CD4: variants seen among roughly 807,000 people sequenced by gnomAD.
The protein encoded by CD4 is T-cell surface glycoprotein CD4.
In CD4, 25 loss-of-function variants were observed where a neutral mutation model predicts 50.5. The ratio of observed to expected loss-of-function variants is 0.49; its 90% CI spans 0.36 to 0.69. CD4 has a LOEUF of 0.69. Among genes scored for constraint, CD4 ranks in the 30% least tolerant of loss-of-function variants. The probability of loss-of-function intolerance (pLI) is 0.00; values close to 1 mark genes in which losing one functional copy is unlikely to be tolerated. For missense variants in CD4, 456 were observed against 548.5 expected, an observed-to-expected ratio of 0.83 and a Z score of 1.68; for synonymous variants, 207 against 221.9, an observed-to-expected ratio of 0.93 and a Z score of 0.60.
At chr12:6,815,048 C>T (rs1222883913) in intron 5 of CD4, 56 bp downstream of exon 5, 1 of 1,192,292 alleles carries the variant, frequency 8.4e-7, no homozygotes, top group East Asian at 2.5e-5. Context: ...CTGACAGCCC[C>T]TCCCTCTGCT....
chr12:6,816,415 G>C lies in CD4; in HGVS notation c.955+12G>C. 6.3e-7 allele frequency: 1 copy of C among 1,596,762 alleles called. No individual in the cohort carries two copies. Among genetic ancestry groups the C allele is most frequent in the East Asian group, 2.2e-5 (1 of 44,638 alleles). ...GGTGGTGATGAGAGGTGAGGGGCCA[G>C]GCCAGGGAGGGGTGGGCAGGGGAAG... On this transcript the variant is annotated intron_variant, in intron 6 of 9. Coordinates refer to ENST00000011653, the MANE Select transcript of CD4 (RefSeq NM_000616.5). The surrounding 1 kb of genome is among the most constrained non-coding windows in gnomAD (Gnocchi z 4.9).
Position 6,818,637 on chromosome 12 carries a change from C to G in CD4, c.1278+95C>G. On this transcript the variant is annotated intron_variant, in intron 8 of 9. Transcript: ENST00000011653. The surrounding 1 kb of genome is among the most constrained non-coding windows in gnomAD (Gnocchi z 5.0). ...TATGGGAACTGATTTTGGCCCAGCTCCCTCTGCCCACTCGTAAGTTCCCTT... is the reference window on the plus strand; with the variant it reads ...TATGGGAACTGATTTTGGCCCAGCTGCCTCTGCCCACTCGTAAGTTCCCTT... 6.7e-7 allele frequency: 1 copy of G among 1,494,036 alleles called. No individual in the cohort carries two copies. Among genetic ancestry groups the G allele is most frequent in the Non-Finnish European group, 9.2e-7 (1 of 1,083,180 alleles). 92.5% of individuals were successfully genotyped at this position (1,494,036 alleles called of 1,614,324 possible).
In CD4 at chr12:6,818,217, C is replaced by T. The variant is rs1302369189; in HGVS notation, c.1157-204C>T. 2.6e-5 allele frequency among the ~76,000 whole-genome samples: 4 copies of T among 152,204 alleles called. No individual in the cohort carries two copies. The highest frequency in any genetic ancestry group is 4.4e-5 in the Non-Finnish European group (3 of 68,044). On this transcript the variant is annotated intron_variant, in intron 7 of 9. Transcript: ENST00000011653. The surrounding 1 kb of genome is among the most constrained non-coding windows in gnomAD (Gnocchi z 5.0). ...GAGCCAGACCACAGCTTCTCTCTCT[C>T]CAGAGTGCCCTGGATATGGATATGC...
Position 6,814,173 on chromosome 12 carries a change from A to G in CD4, c.246A>G (p.Ser82=), listed in dbSNP as rs1317242600. Reference sequence around the variant, plus strand: ...CCAAGCTGAATGATCGCGCTGACTCAAGAAGAAGCCTTTGGGACCAAGGAA... The same window carrying G: ...CCAAGCTGAATGATCGCGCTGACTCGAGAAGAAGCCTTTGGGACCAAGGAA... ...GPSKLNDRAD[S]RRSLWDQGNF... The change falls in exon 4 of 10, where the codon TCA becomes TCG. Residue 82 remains serine (S), a synonymous_variant. Transcript: ENST00000011653. 2 of 1,613,996 alleles carry G rather than the reference A, an allele frequency of 1.2e-6. No homozygotes were observed. Among genetic ancestry groups the G allele is most frequent in the Non-Finnish European group, 1.7e-6 (2 of 1,180,014 alleles).
At chr12:6,812,541 T>C (rs1034943714) in intron 3 of CD4, among the ~76,000 whole-genome samples, 9 of 151,910 alleles carry the variant, frequency 5.9e-5, no homozygotes, top group African/African-American at 2.2e-4. Context: ...TAGCCGGGCT[T>C]GGTTGCGCAT....
At chr12:6,802,339 T>C (rs1942590070) in intron 3 of CD4, among the ~76,000 whole-genome samples, 2 of 152,024 alleles carry the variant, frequency 1.3e-5, no homozygotes, top group Admixed American at 1.3e-4. Context: ...TTTTTTCTTT[T>C]TGAGACAGGG....
chr12:6,816,544 G>A lies in CD4; in HGVS notation c.955+141G>A. The A allele has an allele frequency of 1.4e-6, 1 of 717,060 alleles. No homozygotes were observed. The highest frequency in any genetic ancestry group is 2.3e-6 in the Non-Finnish European group (1 of 437,552). 44.4% of individuals were successfully genotyped at this position (717,060 alleles called of 1,614,324 possible). On this transcript the variant is annotated intron_variant, in intron 6 of 9. Coordinates refer to ENST00000011653, the MANE Select transcript of CD4 (RefSeq NM_000616.5). The surrounding 1 kb of genome is among the most constrained non-coding windows in gnomAD (Gnocchi z 4.9). Reference sequence around the variant, plus strand: ...GGATGAAGTGAGGGAGGGCCCTCTGGGTTTGGGGCTGGTTTTGAACTGAGA... The same window carrying A: ...GGATGAAGTGAGGGAGGGCCCTCTGAGTTTGGGGCTGGTTTTGAACTGAGA...
chr12:6,790,350 G>T (rs1299371094), intron 1 of CD4, among the ~76,000 whole-genome samples: 1 of 151,924 alleles, frequency 6.6e-6, no homozygotes, highest in Non-Finnish European at 1.5e-5. Context: ...CTGCTTCTTT[G>T]CTCTTTTAAG....
rs1302369189 is a variant in CD4 at position 6,818,217 on chromosome 12, C to G, written c.1157-204C>G. On this transcript the variant is annotated intron_variant, in intron 7 of 9. Transcript: ENST00000011653. This position sits in a 1 kb window ranked among gnomAD's most constrained non-coding sequence, Gnocchi z 5.0. ...GAGCCAGACCACAGCTTCTCTCTCT[C>G]CAGAGTGCCCTGGATATGGATATGC... Among the ~76,000 whole-genome samples, 1 of 152,204 alleles carries G rather than the reference C, an allele frequency of 6.6e-6. No individual in the cohort carries two copies. The highest frequency in any genetic ancestry group is 6.5e-5 in the Admixed American group (1 of 15,284).
At chr12:6,817,820 C>T in intron 7 of CD4, among the ~76,000 whole-genome samples, 1 of 151,214 alleles carries the variant, frequency 6.6e-6, no homozygotes, top group East Asian at 2.0e-4. Flanking sequence ...CACCCATGCA[C>T]TCACACACTG....
At position 6,814,284 on chromosome 12, in the gene CD4, A is replaced by G; in HGVS notation, c.357A>G (p.Gln119=). The change falls in exon 4 of 10, where the codon CAA becomes CAG. Residue 119 remains glutamine (Q), a synonymous_variant. Coordinates refer to ENST00000011653, the MANE Select transcript of CD4 (RefSeq NM_000616.5). ...CEVEDQKEEV[Q]LLVFGLTANS... ...TGGAGGACCAGAAGGAGGAGGTGCA[A>G]TTGCTAGTGTTCGGATGTGAGTGGG... The G allele has an allele frequency of 6.2e-7, 1 of 1,613,914 alleles. No individual in the cohort carries two copies. Among genetic ancestry groups the G allele is most frequent in the Non-Finnish European group, 8.5e-7 (1 of 1,179,876 alleles).
At chr12:6,796,694 T>C (rs1942385909) in intron 1 of CD4, among the ~76,000 whole-genome samples, 1 of 152,210 alleles carries the variant, frequency 6.6e-6, no homozygotes, top group Non-Finnish European at 1.5e-5. Flanking sequence ...CTCCAGCTCT[T>C]CGACCTGCCT....
At chr12:6,798,000 C>T (rs1458794655) in intron 1 of CD4, among the ~76,000 whole-genome samples, 1 of 152,022 alleles carries the variant, frequency 6.6e-6, no homozygotes, top group Non-Finnish European at 1.5e-5. Context: ...AAGGTCTTTC[C>T]CTTCCCATGA....
intron 1 of CD4, among the ~76,000 whole-genome samples, chr12:6,791,991 G>A (rs1942175346): frequency 6.6e-6 from 1 of 152,094 alleles, no homozygotes; most frequent in African/African-American, 2.4e-5. Flanking sequence ...AGGGAAGGAG[G>A]GTGGGCACGG....
At chr12:6,799,986 G>A (rs1261268873) in intron 1 of CD4, 86 bp from the exon 2 acceptor site, 3 of 664,208 alleles carry the variant, frequency 4.5e-6, no homozygotes, top group Non-Finnish European at 8.0e-6. Context: ...CTGGCTGCAA[G>A]GGTCCTGAGG....
At chr12:6,797,248 AC>A (rs1477417587) in intron 1 of CD4, among the ~76,000 whole-genome samples, 1 of 148,548 alleles carries the variant, frequency 6.7e-6, no homozygotes, top group Non-Finnish European at 1.5e-5. Context: ...TGCCCCCACC[AC>A]CCCCAGTCTC....
At position 6,818,639 on chromosome 12, in the gene CD4, C is replaced by T. The variant is rs1006276285; in HGVS notation, c.1278+97C>T. On this transcript the variant is annotated intron_variant, in intron 8 of 9. Transcript: ENST00000011653. This position sits in a 1 kb window ranked among gnomAD's most constrained non-coding sequence, Gnocchi z 5.0. ...TGGGAACTGATTTTGGCCCAGCTCCCTCTGCCCACTCGTAAGTTCCCTTGC... is the reference window on the plus strand; with the variant it reads ...TGGGAACTGATTTTGGCCCAGCTCCTTCTGCCCACTCGTAAGTTCCCTTGC... The T allele has an allele frequency of 4.1e-6, 6 of 1,472,862 alleles. No individual in the cohort carries two copies. Among genetic ancestry groups the T allele is most frequent in the South Asian group, 2.4e-5 (2 of 83,574 alleles). 91.2% of individuals were successfully genotyped at this position (1,472,862 alleles called of 1,614,324 possible). A position where few individuals can be genotyped will look rare whatever the true frequency, so the allele number is the denominator to read the frequency against.
At chr12:6,793,970 A>ATCTATATCTATCTATCTATC (rs1555114029) in intron 1 of CD4, among the ~76,000 whole-genome samples, 15 of 133,850 alleles carry the variant, frequency 1.1e-4, no homozygotes, top group Admixed American at 1.5e-4. Context: ...CTATCTATCT[A>ATCTATATCTATCTATCTATC]TATCTATCTA....
rs188178938 is a variant in CD4, at chr12:6,795,457, C to T, written c.-67-4615C>T. Among the ~76,000 whole-genome samples the T allele has an allele frequency of 1.1e-4, 17 of 152,306 alleles. No homozygotes were observed. The East Asian group carries it at 3.3e-3, about 29-fold the overall frequency. Reference sequence around the variant, plus strand: ...AACCACCGTAAGAGGACCAAGCCCCCACACCTTCTGAGTGCCCCATTCCTC... The same window carrying T: ...AACCACCGTAAGAGGACCAAGCCCCTACACCTTCTGAGTGCCCCATTCCTC... On this transcript the variant is annotated intron_variant, in intron 1 of 9. Transcript: ENST00000011653.
Sources: allele counts gnomAD v4.1 joint callset (sites outside exome capture counted in the v4.1 genomes callset), GRCh38; gene constraint gnomAD v4.1.1; non-coding constraint Gnocchi (gnomAD v3.1); transcripts MANE v1.5; gene names NCBI Gene and HGNC (gene_info 2026-07-23, HGNC 2026-07-21).